BTBD2: variants seen among roughly 807,000 people sequenced by gnomAD.
BTBD2 encodes BTB domain containing 2, also known as BTB/POZ domain-containing protein 2.
BTBD2 carries 15 observed loss-of-function variants against 44.0 expected under a neutral mutation model. That is an observed-to-expected ratio of 0.34 (90% CI 0.23 to 0.53). The LOEUF is 0.53. BTBD2 is among the 20% of genes least tolerant of loss of function. The pLI is 0.95. For synonymous variants in BTBD2, 443 were observed against 335.9 expected, an observed-to-expected ratio of 1.32 and a Z score of -3.49; for missense variants, 657 against 746.4, an observed-to-expected ratio of 0.88 and a Z score of 1.39.
chr19:2,015,238 G>A (rs929347960), intron 1 of BTBD2, 59 bp downstream of exon 1: 7 of 1,487,682 alleles, frequency 4.7e-6, no homozygotes, highest in Non-Finnish European at 6.2e-6. Flanking sequence ...CTCAGGTGCA[G>A]GGCCCGGGCA....
intron 5 of BTBD2, chr19:1,989,749 G>T: frequency 1.8e-6 from 1 of 545,378 alleles, no homozygotes. Context: ...TCCCTCCTGG[G>T]AAGATGCCAC....
chr19:1,996,254 G>GA (rs1262082533), intron 2 of BTBD2, among the ~76,000 whole-genome samples: 5 of 152,062 alleles, frequency 3.3e-5, no homozygotes, highest in Admixed American at 6.6e-5. Flanking sequence ...CTCCAACTTT[G>GA]TTCTTTTTCA....
At chr19:2,009,362 C>T (rs1215084238) in intron 1 of BTBD2, among the ~76,000 whole-genome samples, 1 of 151,916 alleles carries the variant, frequency 6.6e-6, no homozygotes, top group Non-Finnish European at 1.5e-5. Flanking sequence ...CCACACCAGG[C>T]TAATTTTTTG....
At chr19:1,998,719 G>C (rs764337290) in intron 1 of BTBD2, among the ~76,000 whole-genome samples, 1 of 152,162 alleles carries the variant, frequency 6.6e-6, no homozygotes, top group African/African-American at 2.4e-5. Flanking sequence ...ACAGTCCCCA[G>C]GGCCTGCCCA....
chr19:2,004,994 G>GT (rs1247979882), intron 1 of BTBD2, among the ~76,000 whole-genome samples: 1 of 151,492 alleles, frequency 6.6e-6, no homozygotes, highest in Non-Finnish European at 1.5e-5. Flanking sequence ...TAATTTTTTT[G>GT]TATTTTTAGT....
Position 1,986,054 on chromosome 19 carries a change from C to G in BTBD2, c.*434G>C, listed in dbSNP as rs752359310. The G allele has an allele frequency of 4.6e-4, 82 of 179,078 alleles. No homozygotes were observed. The highest frequency in any genetic ancestry group is 8.0e-4 in the Non-Finnish European group (68 of 84,822). The allele number at this position is 179,078 out of a possible 1,614,324, so 11.1% of individuals were successfully genotyped here. On this transcript the variant is annotated 3_prime_UTR_variant, in exon 9 of 9. Coordinates refer to ENST00000255608, the MANE Select transcript of BTBD2 (RefSeq NM_017797.4). ...GGAACGCAAGGTCTGGGACCCACGG[C>G]TCTGGGAGCAGCGCCACCCAGGCTG... is the stretch of plus-strand genomic sequence containing the variant.
At chr19:2,000,764 T>C (rs982144132) in intron 1 of BTBD2, among the ~76,000 whole-genome samples, 1 of 152,104 alleles carries the variant, frequency 6.6e-6, no homozygotes, top group Non-Finnish European at 1.5e-5. Flanking sequence ...GCAGCACGAT[T>C]CCCAACTCCG....
chr19:1,998,227 G>A (rs2016277660), intron 1 of BTBD2, among the ~76,000 whole-genome samples: 1 of 152,204 alleles, frequency 6.6e-6, no homozygotes, highest in Non-Finnish European at 1.5e-5. Flanking sequence ...AGCTTTCCCA[G>A]GGAGTCAGCT....
chr19:1,990,769 G>C lies in BTBD2; in HGVS notation c.738C>G (p.Asp246Glu). The change falls in exon 4 of 9, where the codon GAC becomes GAG. Residue 246 changes from aspartate (D) to glutamate (E), a missense_variant. Asp to Glu is a conservative substitution (Grantham distance 45). This residue lies in a region of BTBD2 where 449 missense variants were observed against 510.9 expected (regional missense o/e 0.88). Transcript: ENST00000255608. ...QLASLCLENI[D>E]KNTADAITAE... ...CGGTGATGGCGTCTGCAGTGTTTTT[G>C]TCGATGTTCTCCAGGCACAGGCTGG... is the stretch of plus-strand genomic sequence containing the variant. 1 of 1,602,178 alleles carries C rather than the reference G, an allele frequency of 6.2e-7. No homozygotes were observed. Among genetic ancestry groups the C allele is most frequent in the Non-Finnish European group, 8.5e-7 (1 of 1,174,886 alleles).
chr19:1,993,077 G>T lies in BTBD2; in HGVS notation c.627C>A (p.Cys209Ter). The T allele has an allele frequency of 6.3e-7, 1 of 1,595,062 alleles. No homozygotes were observed. ...GCAGGTTCTTCTTCAGGAACTCCAC[G>T]CAATGGGCCTCGAGCGCTGGCACCG... ...KYAVPALEAH[C>*]VEFLKKNLRA... Residue 209 changes from cysteine (C) to a stop codon, truncating the protein, a stop_gained, in exon 3 of 9, where the codon TGC (cysteine) becomes TGA (stop). Transcript: ENST00000255608. LOFTEE classifies it high-confidence loss of function.
rs749593700 is a variant in BTBD2, at chr19:1,997,379, G to C, written c.492C>G (p.Pro164=). Residue 164 remains proline (P), a synonymous_variant, in exon 2 of 9, where the codon CCC becomes CCG. Transcript: ENST00000255608. ...CGAGGAAGGCAGCGGGTTCCACGTC[G>C]GGCAGCTCAATCTCCGTGGATGTTG... ...MATTSTEIEL[P]DVEPAAFLAL... The C allele has an allele frequency of 1.1e-5, 18 of 1,614,022 alleles. No individual in the cohort carries two copies. Among genetic ancestry groups the C allele is most frequent in the African/African-American group, 1.3e-5 (1 of 74,914 alleles).
chr19:2,001,639 G>A (rs919779304), intron 1 of BTBD2, among the ~76,000 whole-genome samples: 5 of 152,190 alleles, frequency 3.3e-5, no homozygotes, highest in African/African-American at 7.2e-5. Flanking sequence ...CTTTATCCAC[G>A]TGCCACGAGG....
At position 2,015,548 on chromosome 19, in the gene BTBD2, G is replaced by A; in HGVS notation, c.156C>T (p.Ala52=). ...CGGGCGGCGTCGGCCCAGGGGCGGC[G>A]GCGGCGGCGGCGGCGGCGGCGGCGG... ...AAAAAAAAAA[A]AAPGPTPPAP... Residue 52 remains alanine, a synonymous_variant, in exon 1 of 9, where the codon GCC becomes GCT. Coordinates refer to ENST00000255608, the MANE Select transcript of BTBD2 (RefSeq NM_017797.4). The A allele has an allele frequency of 2.1e-6, 1 of 476,748 alleles. No individual in the cohort carries two copies. Among genetic ancestry groups the A allele is most frequent in the South Asian group, 1.3e-4 (1 of 7,924 alleles). 29.5% of individuals were successfully genotyped at this position (476,748 alleles called of 1,614,324 possible). A position where few individuals can be genotyped will look rare whatever the true frequency, so the allele number is the denominator to read the frequency against.
chr19:2,014,273 AT>A (rs1167403220), intron 1 of BTBD2: 1 of 147,786 alleles, frequency 6.8e-6, no homozygotes, highest in East Asian at 2.0e-4. Flanking sequence ...GGTCCTGAGG[AT>A]CCCCGGGTAT....
chr19:1,991,475 G>C (rs1439615347), intron 3 of BTBD2, among the ~76,000 whole-genome samples: 1 of 152,214 alleles, frequency 6.6e-6, no homozygotes, highest in Non-Finnish European at 1.5e-5. Flanking sequence ...CAGGGAGGCT[G>C]AGGCAGCCAC....
At chr19:2,013,507 G>C (rs943980526) in intron 1 of BTBD2, 2 of 986,086 alleles carry the variant, frequency 2.0e-6, no homozygotes, top group Non-Finnish European at 2.4e-6. Context: ...GGGGATCATA[G>C]GATGGGGTGC....
Position 1,987,658 on chromosome 19 carries a change from C to T in BTBD2, c.1023G>A (p.Glu341=), listed in dbSNP as rs1568214044. ...PAQSGILVDR[E]VVSLFLHFTV... is the part of the protein sequence containing the mutation. ...TGAAGTGCAGGAAGAGGCTGACCAC[C>T]TCGCGGTCCACCAGGATGCCCGACT... The change falls in exon 6 of 9, where the codon GAG becomes GAA. Residue 341 remains glutamate, a synonymous_variant. Transcript: ENST00000255608. The T allele has an allele frequency of 1.2e-6, 2 of 1,609,818 alleles. No homozygotes were observed. The highest frequency in any genetic ancestry group is 2.2e-5 in the East Asian group (1 of 44,824).
chr19:1,989,688 A>G (rs1038279692), intron 5 of BTBD2: 2 of 407,150 alleles, frequency 4.9e-6, no homozygotes, highest in African/African-American at 4.1e-5. Flanking sequence ...CGTCACAGAC[A>G]CTGGTACCTG....
chr19:2,015,540 G>A lies in BTBD2; in HGVS notation c.164C>T (p.Pro55Leu), dbSNP rs1314695461. ...AAAAAAAAAAPGPTPPAPPGP... is the reference protein window; with the variant it reads ...AAAAAAAAAALGPTPPAPPGP... ...CGGCGGGGCGGGCGGCGTCGGCCCA[G>A]GGGCGGCGGCGGCGGCGGCGGCGGC... The change falls in exon 1 of 9, where the codon CCT (proline) becomes CTT (leucine). Residue 55 changes from proline (P) to leucine (L), a missense_variant. Physicochemically the swap from Pro to Leu is moderately conservative, Grantham distance 98. Coordinates refer to ENST00000255608, the MANE Select transcript of BTBD2 (RefSeq NM_017797.4). 18 of 906,176 alleles carry A rather than the reference G, an allele frequency of 2.0e-5. No individual in the cohort carries two copies. Among genetic ancestry groups the A allele is most frequent in the South Asian group, 5.3e-5 (1 of 19,022 alleles). The allele number at this position is 906,176 out of a possible 1,614,324, so 56.1% of individuals were successfully genotyped here. A position where few individuals can be genotyped will look rare whatever the true frequency, so the allele number is the denominator to read the frequency against.
Sources: gnomAD v4.1 joint callset for allele counts (sites outside exome capture counted in the v4.1 genomes callset) on GRCh38, gnomAD v4.1.1 for gene constraint, gnomAD v4.1.1 regional missense constraint, MANE v1.5 for transcripts, NCBI Gene and HGNC (gene_info 2026-07-23, HGNC 2026-07-21) for gene names.